Variants in DVL1 observed in about 807,000 individuals in gnomAD.
DVL1 encodes the protein segment polarity protein dishevelled homolog DVL-1.
DVL1 carries 49 observed loss-of-function variants against 65.0 expected under a neutral mutation model. That is an observed-to-expected ratio of 0.75 (90% CI 0.60 to 0.96). The LOEUF (loss-of-function observed/expected upper bound fraction) is 0.96. DVL1 is among the 40% of genes least tolerant of loss of function. DVL1 has a pLI of 0.00. For missense variants in DVL1, 1,197 were observed against 1,045.4 expected (o/e 1.15, Z -2.00); for synonymous variants, 608 against 433.9 (o/e 1.40, Z -4.99).
In DVL1 at chr1:1,338,607, G is replaced by A. The variant is rs374474114; in HGVS notation, c.1254C>T (p.Val418=). Residue 418 remains valine, a synonymous_variant, in exon 12 of 15, where the codon GTC becomes GTT. Transcript: ENST00000378888. ...AGTCTGGCAGCTGCATGACCCGGACGACGGCGCTCATGTCACTCTTCACCG... is the reference window on the plus strand; with the variant it reads ...AGTCTGGCAGCTGCATGACCCGGACAACGGCGCTCATGTCACTCTTCACCG... ...PLTVKSDMSA[V]VRVMQLPDSG... 392 of 1,611,980 alleles carry A rather than the reference G, an allele frequency of 2.4e-4. No homozygotes were observed. Among genetic ancestry groups the A allele is most frequent in the Middle Eastern group, 3.3e-4 (2 of 6,084 alleles).
In DVL1 at chr1:1,338,631, C is replaced by T. The variant is rs371482747; in HGVS notation, c.1230G>A (p.Thr410=). The T allele has an allele frequency of 1.5e-5, 24 of 1,610,922 alleles. No homozygotes were observed. Among genetic ancestry groups the T allele is most frequent in the Non-Finnish European group, 1.9e-5 (22 of 1,179,802 alleles). Reference sequence around the variant, plus strand: ...CGACGGCGCTCATGTCACTCTTCACCGTCAGCGGCGCCTCTTCCAGCTCTG... The same window carrying T: ...CGACGGCGCTCATGTCACTCTTCACTGTCAGCGGCGCCTCTTCCAGCTCTG... The part of the protein sequence containing the change: ...GAPQLEEAPL[T]VKSDMSAVVR... The change falls in exon 12 of 15, where the codon ACG becomes ACA. Residue 410 remains threonine, a synonymous_variant. Coordinates refer to ENST00000378888, the MANE Select transcript of DVL1 (RefSeq NM_001330311.2).
At chr1:1,346,207 C>T (rs1569742890) in intron 1 of DVL1, among the ~76,000 whole-genome samples, 1 of 152,126 alleles carries the variant, frequency 6.6e-6, no homozygotes, top group Non-Finnish European at 1.5e-5. Context: ...ACCCAGGACA[C>T]AAGGAGCTGT....
At chr1:1,342,278 C>T in intron 3 of DVL1, 85 bp downstream of exon 3, 1 of 1,497,838 alleles carries the variant, frequency 6.7e-7, no homozygotes, top group South Asian at 1.3e-5. Flanking sequence ...CGCCTACTGG[C>T]CCAGGCAGGC....
chr1:1,339,322 G>C lies in DVL1; in HGVS notation c.1172C>G (p.Ser391Cys). Residue 391 changes from serine (S) to cysteine (C), a missense_variant, in exon 11 of 15, where the codon TCC becomes TGC. By Grantham distance (112) the Ser-to-Cys change is moderately radical (BLOSUM62 -1). Transcript: ENST00000378888. ...PCSSAVTRTSSSSLTSSVPGA... is the reference protein window; with the variant it reads ...PCSSAVTRTSCSSLTSSVPGA... Reference sequence around the variant, plus strand: ...AGGCACGGAGCTGGTTAGTGAGGAGGAGCTGGTGCGCGTGACGGCGCTGGA... The same window carrying C: ...AGGCACGGAGCTGGTTAGTGAGGAGCAGCTGGTGCGCGTGACGGCGCTGGA... The C allele has an allele frequency of 2.6e-6, 4 of 1,548,634 alleles. No individual in the cohort carries two copies. Among genetic ancestry groups the C allele is most frequent in the Non-Finnish European group, 3.5e-6 (4 of 1,146,894 alleles).
In DVL1 at chr1:1,336,095, G is replaced by A. The variant is rs1643560458; in HGVS notation, c.*47C>T. ...CCCACGCGAGCTCTGCATGCGGCAGGACCGCCAGCTCCCCACCTCAGGCAG... is the reference window on the plus strand; with the variant it reads ...CCCACGCGAGCTCTGCATGCGGCAGAACCGCCAGCTCCCCACCTCAGGCAG... On this transcript the variant is annotated 3_prime_UTR_variant, in exon 15 of 15. Coordinates refer to ENST00000378888, the MANE Select transcript of DVL1 (RefSeq NM_001330311.2). The A allele has an allele frequency of 1.3e-6, 2 of 1,551,300 alleles. No homozygotes were observed. Among genetic ancestry groups the A allele is most frequent in the Middle Eastern group, 1.7e-4 (1 of 6,004 alleles).
chr1:1,342,709 T>C lies in DVL1; in HGVS notation c.220A>G (p.Asn74Asp), dbSNP rs1167847101. 1.9e-5 allele frequency: 30 copies of C among 1,613,050 alleles called. No homozygotes were observed. The highest frequency in any genetic ancestry group is 2.5e-5 in the Non-Finnish European group (30 of 1,179,776). ...FDDNAKLPCF[N>D]GRVVSWLVLA... ...CTCACCCAGGAGACCACGCGGCCGT[T>C]GAAGCAGGGAAGCTTGGCATTGTCA... The change falls in exon 2 of 15, where the codon AAC becomes GAC. Residue 74 changes from asparagine (N) to aspartate (D), a missense_variant. Transcript: ENST00000378888.
rs1569666508 is a variant in DVL1, at chr1:1,335,988, A to G, written c.*154T>C. On this transcript the variant is annotated 3_prime_UTR_variant, in exon 15 of 15. Transcript: ENST00000378888. ...AGACACAGGTGCTGTCAGGAGCTGGAGCAGCCAGGCTGCCAGGGCAGATGG... is the reference window on the plus strand; with the variant it reads ...AGACACAGGTGCTGTCAGGAGCTGGGGCAGCCAGGCTGCCAGGGCAGATGG... 9.7e-7 allele frequency: 1 copy of G among 1,026,072 alleles called. No individual in the cohort carries two copies. The allele number at this position is 1,026,072 out of a possible 1,614,324, so 63.6% of individuals were successfully genotyped here. A position where few individuals can be genotyped will look rare whatever the true frequency, so the allele number is the denominator to read the frequency against.
chr1:1,336,134 G>C lies in DVL1; in HGVS notation c.*8C>G. ...CACCTCAGGCAGGGCTGGGGCATGC[G>C]CCACGAGTCACATGATGTCCACGAA... is the stretch of plus-strand genomic sequence containing the variant. On this transcript the variant is annotated 3_prime_UTR_variant, in exon 15 of 15. Coordinates refer to ENST00000378888, the MANE Select transcript of DVL1 (RefSeq NM_001330311.2). 3 of 1,572,512 alleles carry C rather than the reference G, an allele frequency of 1.9e-6. No homozygotes were observed. Among genetic ancestry groups the C allele is most frequent in the Non-Finnish European group, 2.6e-6 (3 of 1,166,350 alleles).
chr1:1,341,247 G>A (rs1289193996), intron 5 of DVL1, among the ~76,000 whole-genome samples: 6 of 151,582 alleles, frequency 4.0e-5, no homozygotes, highest in African/African-American at 1.2e-4. Flanking sequence ...GCGCACACGC[G>A]TGCATTGTGA....
At chr1:1,342,573 G>A in intron 2 of DVL1, 89 bp from the exon 3 acceptor site, 1 of 1,574,244 alleles carries the variant, frequency 6.4e-7, no homozygotes, top group Non-Finnish European at 8.6e-7. Context: ...CCAGCAAGCT[G>A]CCCTATCCGC....
chr1:1,341,812 G>C lies in DVL1; in HGVS notation c.467-7C>G, dbSNP rs781533633. ...TGCCCATTGGTCCGGGCGGCTGTGG[G>C]GGCAGCAGGTTGGGAACTGACTGCA... On this transcript the variant is annotated splice_polypyrimidine_tract_variant and splice_region_variant and intron_variant, in intron 4 of 14. Transcript: ENST00000378888. 1 of 1,571,978 alleles carries C rather than the reference G, an allele frequency of 6.4e-7. No individual in the cohort carries two copies. The highest frequency in any genetic ancestry group is 8.7e-7 in the Non-Finnish European group (1 of 1,153,780).
In DVL1 at chr1:1,336,476, G is replaced by A; in HGVS notation, c.1754C>T (p.Ala585Val). ...SSGSTRSSRR[A>V]PGREKERRAA... The stretch of plus-strand genomic sequence containing the variant: ...CCGACGCTCCTTCTCACGGCCCGGG[G>A]CCCGGCGGCTGCTCCGGGTGGACCC... The change falls in exon 15 of 15, where the codon GCC becomes GTC. Residue 585 changes from alanine to valine, a missense_variant. By Grantham distance (64) the Ala-to-Val change is moderately conservative. Coordinates refer to ENST00000378888, the MANE Select transcript of DVL1 (RefSeq NM_001330311.2). 3 of 1,551,390 alleles carry A rather than the reference G, an allele frequency of 1.9e-6. No individual in the cohort carries two copies. The highest frequency in any genetic ancestry group is 2.3e-5 in the East Asian group (1 of 43,784).
chr1:1,348,678 C>G (rs991514445), intron 1 of DVL1, among the ~76,000 whole-genome samples: 46 of 152,266 alleles, frequency 3.0e-4, no homozygotes, highest in African/African-American at 1.1e-3. Context: ...GGGCCAGGGA[C>G]GCCGGGAACC....
Position 1,340,306 on chromosome 1 carries a change from A to G in DVL1, c.710T>C (p.Phe237Ser), listed in dbSNP as rs1237253208. 1.9e-6 allele frequency: 3 copies of G among 1,613,842 alleles called. No homozygotes were observed. The highest frequency in any genetic ancestry group is 2.7e-5 in the African/African-American group (2 of 74,906). The change falls in exon 7 of 15, where the codon TTC becomes TCC. Residue 237 changes from phenylalanine to serine, a missense_variant. Coordinates refer to ENST00000378888, the MANE Select transcript of DVL1 (RefSeq NM_001330311.2). Reference sequence around the variant, plus strand: ...CATGGTGGAGTCGGTTATGCTGCTGAAGGAGGAGGCCTATGGAGGAGAGGG... The same window carrying G: ...CATGGTGGAGTCGGTTATGCTGCTGGAGGAGGAGGCCTATGGAGGAGAGGG... ...RLRQADRASSFSSITDSTMSL... is the reference protein window; with the variant it reads ...RLRQADRASSSSSITDSTMSL...
At position 1,341,782 on chromosome 1, in the gene DVL1, T is replaced by G. The variant is rs376205129; in HGVS notation, c.490A>C (p.Arg164=). 1 of 1,598,366 alleles carries G rather than the reference T, an allele frequency of 6.3e-7. No individual in the cohort carries two copies. The highest frequency in any genetic ancestry group is 2.3e-5 in the East Asian group (1 of 44,286). Residue 164 remains arginine (R), a synonymous_variant, in exon 5 of 15, where the codon AGG becomes CGG. Coordinates refer to ENST00000378888, the MANE Select transcript of DVL1 (RefSeq NM_001330311.2). ...EEAARTNGHP[R]GDRRRDVGLP... Reference sequence around the variant, plus strand: ...CCCACATCCCGCCGTCGGTCTCCCCTTGGGTGCCCATTGGTCCGGGCGGCT... The same window carrying G: ...CCCACATCCCGCCGTCGGTCTCCCCGTGGGTGCCCATTGGTCCGGGCGGCT...
rs1643558777 is a variant in DVL1, at chr1:1,336,051, T to C, written c.*91A>G. The C allele has an allele frequency of 3.3e-6, 5 of 1,495,386 alleles. No individual in the cohort carries two copies. The highest frequency in any genetic ancestry group is 3.6e-6 in the Non-Finnish European group (4 of 1,119,538). 92.6% of individuals were successfully genotyped at this position (1,495,386 alleles called of 1,614,324 possible). A position where few individuals can be genotyped will look rare whatever the true frequency, so the allele number is the denominator to read the frequency against. ...CTGCCCCCCACCCTGCCTCCCGTCC[T>C]GGCCCCCACGAAGGCAAGCCCACGC... On this transcript the variant is annotated 3_prime_UTR_variant, in exon 15 of 15. Coordinates refer to ENST00000378888, the MANE Select transcript of DVL1 (RefSeq NM_001330311.2).
intron 14 of DVL1, among the ~76,000 whole-genome samples, chr1:1,337,356 C>G (rs990632734): frequency 6.6e-6 from 1 of 152,172 alleles, no homozygotes; most frequent in Non-Finnish European, 1.5e-5. Flanking sequence ...CTCTGCTCCA[C>G]CAGGCAACAC....
chr1:1,340,441 C>T lies in DVL1; in HGVS notation c.668G>A (p.Arg223Gln), dbSNP rs746147610. The T allele has an allele frequency of 6.2e-6, 10 of 1,612,116 alleles. No individual in the cohort carries two copies. The highest frequency in any genetic ancestry group is 5.0e-5 in the Admixed American group (3 of 59,644). ...SRLIRKHKRR[R>Q]RKQRLRQADR... Reference sequence around the variant, plus strand: ...CGCCTGCCGAAGGCGCTGCTTCCTCCGCCGGCGTTTGTGCTTCCGGATGAG... The same window carrying T: ...CGCCTGCCGAAGGCGCTGCTTCCTCTGCCGGCGTTTGTGCTTCCGGATGAG... Residue 223 changes from arginine (R) to glutamine (Q), a missense_variant, in exon 6 of 15, where the codon CGG (arginine) becomes CAG (glutamine). Arg to Gln is a conservative substitution (Grantham distance 43). Transcript: ENST00000378888.
At chr1:1,340,896 C>T (rs1051393401) in intron 5 of DVL1, among the ~76,000 whole-genome samples, 8 of 149,588 alleles carry the variant, frequency 5.3e-5, no homozygotes, top group South Asian at 2.1e-4. Context: ...CCCCTGCACA[C>T]GCACGCATGA....
Sources: allele counts gnomAD v4.1 joint callset (sites outside exome capture counted in the v4.1 genomes callset), GRCh38; gene constraint gnomAD v4.1.1; transcripts MANE v1.5; gene names NCBI Gene and HGNC (gene_info 2026-07-23, HGNC 2026-07-21).